ONECUT1: variants seen among roughly 807,000 people sequenced by gnomAD.
The protein encoded by ONECUT1 is hepatocyte nuclear factor 6.
In ONECUT1, 12 loss-of-function variants were observed where a neutral mutation model predicts 25.6. The observed-to-expected ratio is 0.47, with a 90% CI of 0.30 to 0.76. The LOEUF (loss-of-function observed/expected upper bound fraction) is 0.76, where lower values mean the gene tolerates loss of function less well. Among genes scored for constraint, ONECUT1 ranks in the 30% least tolerant of loss-of-function variants. The pLI is 0.07. For missense variants in ONECUT1, 620 were observed against 651.2 expected (o/e 0.95, Z 0.52); for synonymous variants, 285 against 270.2 (o/e 1.05, Z -0.54).
Position 52,788,738 on chromosome 15 carries a change from T to A in ONECUT1, c.1105+42A>T, listed in dbSNP as rs373814917. 28 of 1,569,064 alleles carry A rather than the reference T, an allele frequency of 1.8e-5. No individual in the cohort carries two copies. The highest frequency in any genetic ancestry group is 2.4e-5 in the Non-Finnish European group (28 of 1,158,532). Reference sequence around the variant, plus strand: ...CCTCCTTTGGTCCCTTCGGCTTTCGTGTACCTTATCTCCCGCGCGCCCAGC... The same window carrying A: ...CCTCCTTTGGTCCCTTCGGCTTTCGAGTACCTTATCTCCCGCGCGCCCAGC... On this transcript the variant is annotated intron_variant, in intron 1 of 1. Transcript: ENST00000305901. The surrounding 1 kb of genome is among the most constrained non-coding windows in gnomAD (Gnocchi z 4.3).
chr15:52,769,257 C>G (rs2083752232), intron 1 of ONECUT1, among the ~76,000 whole-genome samples: 1 of 152,214 alleles, frequency 6.6e-6, no homozygotes, highest in Admixed American at 6.5e-5. Flanking sequence ...ACCCATCTCT[C>G]TCACACAGTC....
At chr15:52,769,464 G>A (rs1323110852) in intron 1 of ONECUT1, among the ~76,000 whole-genome samples, 1 of 152,156 alleles carries the variant, frequency 6.6e-6, no homozygotes, top group Non-Finnish European at 1.5e-5. Context: ...GTAGTTTAAT[G>A]GCACCATGGG....
chr15:52,781,866 G>A (rs1208243562), intron 1 of ONECUT1, among the ~76,000 whole-genome samples: 1 of 152,168 alleles, frequency 6.6e-6, no homozygotes, highest in African/African-American at 2.4e-5. Flanking sequence ...AGTCTTCAAT[G>A]AGAACATCTA....
At chr15:52,763,405 G>A (rs2083716861) in intron 1 of ONECUT1, among the ~76,000 whole-genome samples, 1 of 152,136 alleles carries the variant, frequency 6.6e-6, no homozygotes, top group South Asian at 2.1e-4. Flanking sequence ...GAGCATGAGG[G>A]TGTGGGCAAA....
At chr15:52,787,225 A>T (rs2083881789) in intron 1 of ONECUT1, 1 of 152,282 alleles carries the variant, frequency 6.6e-6, no homozygotes, top group South Asian at 2.1e-4. Context: ...AGGAACCTGC[A>T]TGAGGACTTT....
chr15:52,788,927 G>A lies in ONECUT1; in HGVS notation c.958C>T (p.Leu320Phe). The change falls in exon 1 of 2, where the codon CTC becomes TTC. Residue 320 changes from leucine to phenylalanine, a missense_variant. Leu to Phe is a conservative substitution (Grantham distance 22, BLOSUM62 0). Transcript: ENST00000305901. This position sits in a 1 kb window ranked among gnomAD's most constrained non-coding sequence, Gnocchi z 4.3. ...IPQAIFAQRV[L>F]CRSQGTLSDL... ...GAGAGGGTCCCCTGGGAGCGGCAGA[G>A]CACCCTCTGCGCGAAGATGGCCTGT... The A allele has an allele frequency of 6.2e-7, 1 of 1,614,056 alleles. No homozygotes were observed. The highest frequency in any genetic ancestry group is 8.5e-7 in the Non-Finnish European group (1 of 1,180,044).
At chr15:52,761,468 C>CGA (rs2083705640) in intron 1 of ONECUT1, among the ~76,000 whole-genome samples, 1 of 152,080 alleles carries the variant, frequency 6.6e-6, no homozygotes. Context: ...GTCAGGAGTT[C>CGA]GAGACCAACC....
At position 52,756,264 on chromosome 15, in the gene ONECUT1, C is replaced by T; in HGVS notation, c.*1291G>A. Among the ~76,000 whole-genome samples, 1 of 152,270 alleles carries T rather than the reference C, an allele frequency of 6.6e-6. No homozygotes were observed. On this transcript the variant is annotated 3_prime_UTR_variant, in exon 2 of 2. Transcript: ENST00000305901. ...TAACTTTTTAGGATAGTTATAAGTA[C>T]TGAATAGCTCATTTGAATAATAATG...
Position 52,777,737 on chromosome 15 carries a change from C to CAAAAAAAAAAAAAAAAAAAAA in ONECUT1, c.1105+11042_1105+11043insTTTTTTTTTTTTTTTTTTTTT, listed in dbSNP as rs1555416122. ...ACACACACACACACACACACACACACAAAAAAACATGTAAAGTTATTTGTT... is the reference window on the plus strand; with the variant it reads ...ACACACACACACACACACACACACACAAAAAAAAAAAAAAAAAAAAAAAAAAAACATGTAAAGTTATTTGTT... On this transcript the variant is annotated intron_variant, in intron 1 of 1. Coordinates refer to ENST00000305901, the MANE Select transcript of ONECUT1 (RefSeq NM_004498.4). 4.8e-5 allele frequency among the ~76,000 whole-genome samples: 5 copies of CAAAAAAAAAAAAAAAAAAAAA among 103,458 alleles called. 1 individual carries two copies. The highest frequency in any genetic ancestry group is 2.2e-4 in the African/African-American group (5 of 22,588). 67.9% of individuals were successfully genotyped at this position (103,458 alleles called of 152,430 possible). A position where few individuals can be genotyped will look rare whatever the true frequency, so the allele number is the denominator to read the frequency against.
intron 1 of ONECUT1, among the ~76,000 whole-genome samples, chr15:52,778,735 C>T (rs1349582458): frequency 6.6e-6 from 1 of 152,180 alleles, no homozygotes; most frequent in East Asian, 1.9e-4. Context: ...TTTGTTGAGA[C>T]CTGAAACTGC....
At chr15:52,763,977 G>C (rs551043295) in intron 1 of ONECUT1, among the ~76,000 whole-genome samples, 2 of 152,290 alleles carry the variant, frequency 1.3e-5, no homozygotes, top group African/African-American at 4.8e-5. Context: ...TCACTACCTA[G>C]AGTTTAAGAA....
chr15:52,779,824 A>G (rs2083828740), intron 1 of ONECUT1, among the ~76,000 whole-genome samples: 1 of 152,236 alleles, frequency 6.6e-6, no homozygotes, highest in Non-Finnish European at 1.5e-5. Flanking sequence ...TGCCAAAAAG[A>G]GACCAATCTT....
rs1429248894 is a variant in ONECUT1 at position 52,789,670 on chromosome 15, T to A, written c.215A>T (p.His72Leu). 1.3e-6 allele frequency: 2 copies of A among 1,497,626 alleles called. No individual in the cohort carries two copies. Among genetic ancestry groups the A allele is most frequent in the Non-Finnish European group, 1.8e-6 (2 of 1,125,184 alleles). 92.8% of individuals were successfully genotyped at this position (1,497,626 alleles called of 1,614,324 possible). ...GSGGGDYHHH[H>L]RAPEHSLAGP... ...GGCCAGGCTGTGCTCAGGGGCCCGGTGGTGGTGGTGGTAATCTCCGCCGCC... is the reference window on the plus strand; with the variant it reads ...GGCCAGGCTGTGCTCAGGGGCCCGGAGGTGGTGGTGGTAATCTCCGCCGCC... The change falls in exon 1 of 2, where the codon CAC becomes CTC. Residue 72 changes from histidine (H) to leucine (L), a missense_variant. Around this residue, in one of 4 missense-constraint regions of ONECUT1, gnomAD observed 440 missense variants for 404.9 expected, o/e 1.09. Transcript: ENST00000305901. The surrounding 1 kb of genome is among the most constrained non-coding windows in gnomAD (Gnocchi z 4.1).
intron 1 of ONECUT1, chr15:52,785,941 AG>A (rs2083871983): frequency 6.6e-6 from 1 of 152,202 alleles, no homozygotes; most frequent in Admixed American, 6.5e-5. Flanking sequence ...TGGAGGACAG[AG>A]GGGCGTGGAG....
chr15:52,768,661 T>C (rs1260735469), intron 1 of ONECUT1, among the ~76,000 whole-genome samples: 2 of 152,234 alleles, frequency 1.3e-5, no homozygotes, highest in Non-Finnish European at 2.9e-5. Context: ...TTATAGTATT[T>C]ATAGTAATTG....
chr15:52,757,504 T>G lies in ONECUT1; in HGVS notation c.*51A>C. On this transcript the variant is annotated 3_prime_UTR_variant, in exon 2 of 2. Coordinates refer to ENST00000305901, the MANE Select transcript of ONECUT1 (RefSeq NM_004498.4). ...CTTGAGGTCCTGGTCTTTTAAAAAT[T>G]TTTTTTAATTTAAAGCTTTTCCACC... 1 of 1,543,586 alleles carries G rather than the reference T, an allele frequency of 6.5e-7. No homozygotes were observed.
In ONECUT1 at chr15:52,789,810, G is replaced by C; in HGVS notation, c.75C>G (p.Ala25=). Residue 25 remains alanine, a synonymous_variant, in exon 1 of 2, where the codon GCC becomes GCG. Coordinates refer to ENST00000305901, the MANE Select transcript of ONECUT1 (RefSeq NM_004498.4). The surrounding 1 kb of genome is among the most constrained non-coding windows in gnomAD (Gnocchi z 4.1). ...CGTGGGGGCTGCCGCCCAGCAGGTC[G>C]GCAGGGGCGGGCACCGGCTCATGGC... is the stretch of plus-strand genomic sequence containing the variant. ...GVSHEPVPAP[A]DLLGGSPHAR... The C allele has an allele frequency of 6.6e-7, 1 of 1,514,798 alleles. No homozygotes were observed. The highest frequency in any genetic ancestry group is 1.2e-5 in the South Asian group (1 of 80,570). 93.8% of individuals were successfully genotyped at this position (1,514,798 alleles called of 1,614,324 possible).
At chr15:52,781,578 C>T (rs889179628) in intron 1 of ONECUT1, among the ~76,000 whole-genome samples, 10 of 152,188 alleles carry the variant, frequency 6.6e-5, no homozygotes, top group African/African-American at 1.4e-4. Flanking sequence ...GAGCTCAGGG[C>T]ATCACTGTTT....
At chr15:52,759,777 A>AT (rs772253068) in intron 1 of ONECUT1, among the ~76,000 whole-genome samples, 31 of 148,960 alleles carry the variant, frequency 2.1e-4, no homozygotes, top group Middle Eastern at 3.5e-3. Flanking sequence ...ATTTTTTTGA[A>AT]TTTTTTTTTT....
Sources: allele counts gnomAD v4.1 joint callset (sites outside exome capture counted in the v4.1 genomes callset), GRCh38; gene constraint gnomAD v4.1.1; regional missense constraint gnomAD v4.1.1; non-coding constraint Gnocchi (gnomAD v3.1); transcripts MANE v1.5; gene names NCBI Gene and HGNC (gene_info 2026-07-23, HGNC 2026-07-21).